CDC5L: variants seen among roughly 807,000 people sequenced by gnomAD.
CDC5L encodes cell division cycle 5-like protein.
A neutral mutation model predicts 104.1 loss-of-function variants in CDC5L; 18 were observed. The ratio of observed to expected loss-of-function variants is 0.17; its 90% CI spans 0.12 to 0.26. The LOEUF is 0.26. Ranked by LOEUF, CDC5L falls within the 10% of genes least tolerant of loss-of-function variation. The pLI is 1.00. For missense variants in CDC5L, 673 were observed against 956.9 expected (o/e 0.70, Z 3.91); for synonymous variants, 331 against 322.7 (o/e 1.03, Z -0.28).
At chr6:44,399,881 G>A (rs999208982) in intron 5 of CDC5L, among the ~76,000 whole-genome samples, 4 of 151,922 alleles carry the variant, frequency 2.6e-5, no homozygotes, top group African/African-American at 7.3e-5. Context: ...TTGATCTCTT[G>A]ACCTCGTGAT....
chr6:44,410,757 A>G (rs1791587805), intron 8 of CDC5L, among the ~76,000 whole-genome samples: 1 of 152,120 alleles, frequency 6.6e-6, no homozygotes, highest in Admixed American at 6.5e-5. Flanking sequence ...TTTTTCAACC[A>G]CTGTGGATCT....
At chr6:44,404,250 T>C (rs11571945) in intron 6 of CDC5L, among the ~76,000 whole-genome samples, 3 of 152,036 alleles carry the variant, frequency 2.0e-5, no homozygotes, top group Non-Finnish European at 2.9e-5. Context: ...GCTCAAGCAA[T>C]CCTCCCACCT....
chr6:44,430,655 C>G (rs1581658393), intron 14 of CDC5L, among the ~76,000 whole-genome samples: 1 of 151,346 alleles, frequency 6.6e-6, no homozygotes, highest in East Asian at 1.9e-4. Context: ...TCACTCCAAC[C>G]TCTACCTCCT....
intron 14 of CDC5L, among the ~76,000 whole-genome samples, chr6:44,442,768 A>G (rs968115082): frequency 2.0e-5 from 3 of 152,198 alleles, no homozygotes; most frequent in Non-Finnish European, 4.4e-5. Context: ...ATGACAATGT[A>G]TATACCATGC....
intron 6 of CDC5L, among the ~76,000 whole-genome samples, chr6:44,405,041 G>A (rs1421235330): frequency 6.6e-6 from 1 of 152,026 alleles, no homozygotes; most frequent in Non-Finnish European, 1.5e-5. Flanking sequence ...TTATTAAGAT[G>A]AAATTAAAAG....
intron 8 of CDC5L, among the ~76,000 whole-genome samples, chr6:44,412,181 T>C (rs1168604939): frequency 6.6e-6 from 1 of 152,240 alleles, no homozygotes; most frequent in East Asian, 1.9e-4. Flanking sequence ...TGCTCGTGCA[T>C]GTGCAGCACT....
At chr6:44,406,955 C>G (rs777586470) in intron 7 of CDC5L, among the ~76,000 whole-genome samples, 46 of 151,972 alleles carry the variant, frequency 3.0e-4, no homozygotes, top group Admixed American at 2.6e-4. Context: ...AAAAACCCCA[C>G]AAGTAATTGT....
intron 8 of CDC5L, among the ~76,000 whole-genome samples, chr6:44,411,629 A>AGTGTGTGTGTGTGT (rs1386078605): frequency 2.1e-4 from 1 of 4,674 alleles, no homozygotes; most frequent in African/African-American, 4.8e-4. Flanking sequence ...AGAGAGAGAG[A>AGTGTGTGTGTGTGT]GAGAGAGAGT....
intron 8 of CDC5L, among the ~76,000 whole-genome samples, chr6:44,412,939 C>T (rs1036000250): frequency 2.0e-5 from 3 of 151,248 alleles, no homozygotes; most frequent in Non-Finnish European, 2.9e-5. Context: ...CCCGCCACTA[C>T]GCCCGGCTAA....
chr6:44,441,652 C>CT (rs1200977730), intron 14 of CDC5L, among the ~76,000 whole-genome samples: 1 of 152,130 alleles, frequency 6.6e-6, no homozygotes, highest in African/African-American at 2.4e-5. Flanking sequence ...AATAACCAGT[C>CT]TAACAGGTGT....
chr6:44,419,333 ATT>A, intron 8 of CDC5L, 114 bp from the exon 9 acceptor site: 9 of 894,072 alleles, frequency 1.0e-5, no homozygotes, highest in African/African-American at 1.7e-5. Flanking sequence ...GTTAGCTTTC[ATT>A]GAGAAAATGA....
In CDC5L at chr6:44,387,843, AG is replaced by A. The variant is rs1228925740; in HGVS notation, c.26del (p.Gly9AlafsTer11). 6.4e-7 allele frequency: 1 copy of A among 1,567,190 alleles called. No homozygotes were observed. Among genetic ancestry groups the A allele is most frequent in the Non-Finnish European group, 8.7e-7 (1 of 1,154,852 alleles). MPRIMIKGGVWRNTEDE... is the reference protein window; with the variant it reads MPRIMIXGGVWRNTEDE... ...GCCAAGATGCCTCGAATTATGATCA[AG>A]GGGGGCGTATGGAGGAATACCGAGG... On this transcript the variant is annotated frameshift_variant, in exon 1 of 16. Coordinates refer to ENST00000371477, the MANE Select transcript of CDC5L (RefSeq NM_001253.4). LOFTEE classifies it high-confidence loss of function.
Position 44,403,449 on chromosome 6 carries a change from A to T in CDC5L, c.540-360A>T, listed in dbSNP as rs11571942. ...TATAAATTTTCATAGTGTTACAGTT[A>T]GAAGTTTTATATCTCAAAGCTATTC... On this transcript the variant is annotated intron_variant, in intron 5 of 15. Coordinates refer to ENST00000371477, the MANE Select transcript of CDC5L (RefSeq NM_001253.4). Among the ~76,000 whole-genome samples, 645 of 152,224 alleles carry T rather than the reference A, an allele frequency of 4.2e-3. 20 individuals are homozygous for T. The highest frequency in any genetic ancestry group is 0.04 in the Admixed American group (610 of 15,294).
chr6:44,415,781 A>C (rs1166116636), intron 8 of CDC5L, among the ~76,000 whole-genome samples: 1 of 152,096 alleles, frequency 6.6e-6, no homozygotes, highest in Non-Finnish European at 1.5e-5. Flanking sequence ...GTGGTGGTTA[A>C]GAATTGAGGC....
chr6:44,425,980 A>G, intron 11 of CDC5L, 123 bp from the exon 12 acceptor site: 1 of 581,796 alleles, frequency 1.7e-6, no homozygotes, highest in Non-Finnish European at 3.0e-6. Context: ...TACAAACTTA[A>G]ACCGATTTCT....
chr6:44,399,060 C>T (rs772424082), intron 5 of CDC5L, among the ~76,000 whole-genome samples: 2 of 152,246 alleles, frequency 1.3e-5, no homozygotes, highest in Non-Finnish European at 2.9e-5. Context: ...CTCAAGCAGT[C>T]CTCTGCCTTA....
intron 14 of CDC5L, among the ~76,000 whole-genome samples, chr6:44,435,488 T>G (rs968043333): frequency 1.3e-4 from 20 of 151,946 alleles, no homozygotes; most frequent in Non-Finnish European, 2.8e-4. Flanking sequence ...GAATAATTTA[T>G]TTTTCAGGGA....
chr6:44,408,324 A>C (rs528119693), intron 7 of CDC5L, 120 bp from the exon 8 acceptor site: 21 of 590,660 alleles, frequency 3.6e-5, no homozygotes, highest in Middle Eastern at 3.2e-4. Context: ...TAGGTCCCGA[A>C]CTCCTGGGCT....
chr6:44,426,762 G>T, intron 13 of CDC5L, 38 bp downstream of exon 13: 1 of 1,601,094 alleles, frequency 6.2e-7, no homozygotes, highest in Non-Finnish European at 8.5e-7. Flanking sequence ...TGAGATTTAG[G>T]TAGTTGTTAG....
Sources: gnomAD v4.1 joint callset for allele counts (sites outside exome capture counted in the v4.1 genomes callset) on GRCh38, gnomAD v4.1.1 for gene constraint, MANE v1.5 for transcripts, NCBI Gene and HGNC (gene_info 2026-07-23, HGNC 2026-07-21) for gene names.